The following IGF2BP3 variants were observed in gnomAD, a reference collection of about 807,000 sequenced individuals.
The protein encoded by IGF2BP3 is insulin like growth factor 2 mRNA binding protein 3.
A neutral mutation model predicts 73.8 loss-of-function variants in IGF2BP3; 9 were observed. The ratio of observed to expected loss-of-function variants is 0.12; its 90% CI spans 0.07 to 0.21. The LOEUF is 0.21. IGF2BP3 is among the 10% of genes least tolerant of loss of function. IGF2BP3 has a pLI of 1.00. For synonymous variants in IGF2BP3, 258 were observed against 256.7 expected, an observed-to-expected ratio of 1.01 and a Z score of -0.05; for missense variants, 542 against 714.0, an observed-to-expected ratio of 0.76 and a Z score of 2.75.
chr7:23,341,392 G>A (rs1219099830), intron 10 of IGF2BP3, among the ~76,000 whole-genome samples: 1 of 152,108 alleles, frequency 6.6e-6, no homozygotes, highest in Non-Finnish European at 1.5e-5. Flanking sequence ...TACTGGCCAG[G>A]TAATAGCTCA....
At chr7:23,328,061 C>T (rs1784351606) in intron 10 of IGF2BP3, among the ~76,000 whole-genome samples, 1 of 152,120 alleles carries the variant, frequency 6.6e-6, no homozygotes. Flanking sequence ...TCTCTCTAGA[C>T]GCCCACCTAT....
intron 3 of IGF2BP3, among the ~76,000 whole-genome samples, chr7:23,406,183 G>A (rs981145991): frequency 2.6e-5 from 4 of 152,102 alleles, no homozygotes; most frequent in Non-Finnish European, 5.9e-5. Flanking sequence ...TAGTTCCAAG[G>A]GGATGGATTG....
chr7:23,321,775 A>G (rs189986261), intron 10 of IGF2BP3, among the ~76,000 whole-genome samples: 2,538 of 152,202 alleles, frequency 0.017, 50 homozygotes, highest in African/African-American at 0.049. Context: ...CCTGACCCCC[A>G]AGCAGCCTAA....
At chr7:23,378,605 C>T (rs1168095527) in intron 3 of IGF2BP3, among the ~76,000 whole-genome samples, 17 of 118,316 alleles carry the variant, frequency 1.4e-4, no homozygotes, top group African/African-American at 3.6e-4. Context: ...GACAGAGTCT[C>T]GCTCTGTCGC....
rs79023216 is a variant in IGF2BP3, at chr7:23,317,247, A to G, written c.1395+392T>C. Reference sequence around the variant, plus strand: ...AGTCTATGGGCAGGGTCTAACAGAGATAATCCAAGGGTAAGGAAAAAGGGG... The same window carrying G: ...AGTCTATGGGCAGGGTCTAACAGAGGTAATCCAAGGGTAAGGAAAAAGGGG... On this transcript the variant is annotated intron_variant, in intron 12 of 14. Coordinates refer to ENST00000258729, the MANE Select transcript of IGF2BP3 (RefSeq NM_006547.3). Among the ~76,000 whole-genome samples the G allele has an allele frequency of 6.0e-3, 910 of 152,348 alleles. 6 individuals carry two copies. Among genetic ancestry groups the G allele is most frequent in the Non-Finnish European group, 0.01 (683 of 68,028 alleles).
chr7:23,449,582 A>C (rs1351223014), intron 2 of IGF2BP3, among the ~76,000 whole-genome samples: 2 of 116,584 alleles, frequency 1.7e-5, no homozygotes, highest in South Asian at 2.9e-4. Context: ...TTTTTGAGAG[A>C]GTCTCACTCT....
At chr7:23,435,068 G>A (rs11763171) in intron 2 of IGF2BP3, among the ~76,000 whole-genome samples, 27,572 of 151,880 alleles carry the variant, frequency 0.18, 2,849 homozygotes, top group South Asian at 0.27. Context: ...GGCCGAGGCA[G>A]GTGGATCACG....
intron 3 of IGF2BP3, among the ~76,000 whole-genome samples, chr7:23,387,919 T>C (rs915854364): frequency 6.6e-6 from 1 of 152,144 alleles, no homozygotes; most frequent in African/African-American, 2.4e-5. Context: ...GCACAACTAC[T>C]ATGGAAAAGT....
chr7:23,398,312 T>C lies in IGF2BP3; in HGVS notation c.285+20464A>G, dbSNP rs183154300. ...CACATTTTCTTAATCCAGTCTGTCA[T>C]TGTTGGACATTTGGGTTGGTTCCAA... On this transcript the variant is annotated intron_variant, in intron 3 of 14. Transcript: ENST00000258729. Among the ~76,000 whole-genome samples, 995 of 152,312 alleles carry C rather than the reference T, an allele frequency of 6.5e-3. 8 individuals are homozygous for C. Among genetic ancestry groups the C allele is most frequent in the African/African-American group, 0.023 (958 of 41,570 alleles).
chr7:23,404,037 G>T (rs1024176449), intron 3 of IGF2BP3, among the ~76,000 whole-genome samples: 2 of 151,848 alleles, frequency 1.3e-5, no homozygotes, highest in African/African-American at 4.8e-5. Flanking sequence ...TACTCAGGAG[G>T]CCAAGGCAGG....
intron 3 of IGF2BP3, among the ~76,000 whole-genome samples, chr7:23,382,179 G>A (rs1785932123): frequency 6.6e-6 from 1 of 152,112 alleles, no homozygotes; most frequent in Non-Finnish European, 1.5e-5. Context: ...CCAGGAGGTT[G>A]AGGCTGCAGT....
At chr7:23,402,023 A>G (rs1490609154) in intron 3 of IGF2BP3, among the ~76,000 whole-genome samples, 7 of 151,794 alleles carry the variant, frequency 4.6e-5, no homozygotes, top group Non-Finnish European at 1.0e-4. Flanking sequence ...AGGCTGAGGC[A>G]TGAGAATCAC....
At position 23,343,832 on chromosome 7, in the gene IGF2BP3, A is replaced by C; in HGVS notation, c.963T>G (p.Tyr321Ter). The C allele has an allele frequency of 6.2e-7, 1 of 1,612,566 alleles. No homozygotes were observed. The highest frequency in any genetic ancestry group is 8.5e-7 in the Non-Finnish European group (1 of 1,179,710). The change falls in exon 9 of 15, where the codon TAT (tyrosine) becomes TAG (stop). Residue 321 changes from tyrosine (Y) to a stop codon, truncating the protein, a stop_gained. Coordinates refer to ENST00000258729, the MANE Select transcript of IGF2BP3 (RefSeq NM_006547.3). LOFTEE classifies it high-confidence loss of function. Reference sequence around the variant, plus strand: ...TAACTGTAATAGTGCGTTCTGGATTATACAGCGTCAATTCCTGCAATCTGC... The same window carrying C: ...TAACTGTAATAGTGCGTTCTGGATTCTACAGCGTCAATTCCTGCAATCTGC... The part of the protein sequence containing the change: ...TISPLQELTL[Y>*]NPERTITVKG...
intron 3 of IGF2BP3, among the ~76,000 whole-genome samples, chr7:23,412,601 T>C (rs1235725663): frequency 6.6e-6 from 1 of 152,136 alleles, no homozygotes; most frequent in African/African-American, 2.4e-5. Context: ...CAGGGAAATA[T>C]TGTTTCACCT....
chr7:23,468,829 G>T (rs1290339308), intron 1 of IGF2BP3, among the ~76,000 whole-genome samples: 1 of 152,194 alleles, frequency 6.6e-6, no homozygotes, highest in Non-Finnish European at 1.5e-5. Flanking sequence ...AACACCACGA[G>T]GCCCGCAAGA....
intron 3 of IGF2BP3, among the ~76,000 whole-genome samples, chr7:23,368,600 A>G (rs1374255465): frequency 6.6e-6 from 1 of 152,132 alleles, no homozygotes; most frequent in Non-Finnish European, 1.5e-5. Context: ...GGTTGCACGT[A>G]TCTATTAACA....
At chr7:23,409,068 G>C (rs971955912) in intron 3 of IGF2BP3, among the ~76,000 whole-genome samples, 2 of 152,108 alleles carry the variant, frequency 1.3e-5, no homozygotes, top group African/African-American at 4.8e-5. Context: ...CCCTCAACGT[G>C]TGCAGTTCAC....
intron 10 of IGF2BP3, among the ~76,000 whole-genome samples, chr7:23,328,551 G>C (rs149740075): frequency 6.6e-6 from 1 of 152,076 alleles, no homozygotes; most frequent in Non-Finnish European, 1.5e-5. Flanking sequence ...ATAACAAAAG[G>C]GCTGGTTCTT....
chr7:23,378,569 GTTTTTTTTTTTT>G (rs1156868701), intron 3 of IGF2BP3, among the ~76,000 whole-genome samples: 8 of 65,884 alleles, frequency 1.2e-4, no homozygotes, highest in Non-Finnish European at 1.8e-4. Context: ...ATTTTTGCTT[GTTTTTTTTTTTT>G]TTTTTTTTTT....
Sources: allele counts gnomAD v4.1 joint callset (sites outside exome capture counted in the v4.1 genomes callset), GRCh38; gene constraint gnomAD v4.1.1; transcripts MANE v1.5; gene names NCBI Gene and HGNC (gene_info 2026-07-23, HGNC 2026-07-21).